The following PDE9A variants were observed in gnomAD, a reference collection of about 807,000 sequenced individuals.
The protein encoded by PDE9A is high affinity cGMP-specific 3',5'-cyclic phosphodiesterase 9A.
A neutral mutation model predicts 87.4 loss-of-function variants in PDE9A; 60 were observed. The ratio of observed to expected loss-of-function variants is 0.69; its 90% CI spans 0.56 to 0.85. The LOEUF is 0.85. Ranked by LOEUF, PDE9A falls within the 40% of genes least tolerant of loss-of-function variation. The pLI is 0.00. For missense variants in PDE9A, 665 were observed against 779.0 expected (o/e 0.85, Z 1.74); for synonymous variants, 272 against 279.4 (o/e 0.97, Z 0.27).
chr21:42,770,918 G>A (rs1046628454), intron 18 of PDE9A, 120 bp downstream of exon 18: 6 of 700,636 alleles, frequency 8.6e-6, no homozygotes, highest in African/African-American at 1.8e-5. Flanking sequence ...CCCGTGGACA[G>A]GCACACGTGT....
At chr21:42,773,055 G>A (rs1326087736) in intron 19 of PDE9A, among the ~76,000 whole-genome samples, 2 of 149,728 alleles carry the variant, frequency 1.3e-5, no homozygotes, top group African/African-American at 4.9e-5. Flanking sequence ...GAGGTCAGGA[G>A]TTCAAGACCC....
chr21:42,677,995 G>A (rs144175593), intron 1 of PDE9A, among the ~76,000 whole-genome samples: 1 of 152,352 alleles, frequency 6.6e-6, no homozygotes, highest in East Asian at 1.9e-4. Flanking sequence ...CACCACAAAT[G>A]TCTGTGCAAG....
intron 19 of PDE9A, among the ~76,000 whole-genome samples, chr21:42,774,772 C>T (rs1256933963): frequency 2.0e-5 from 3 of 149,422 alleles, no homozygotes; most frequent in African/African-American, 2.5e-5. Context: ...ATCCCAGCTA[C>T]TTGGGAGCCA....
intron 3 of PDE9A, among the ~76,000 whole-genome samples, chr21:42,691,523 C>A (rs754157888): frequency 6.6e-6 from 1 of 151,998 alleles, no homozygotes; most frequent in Non-Finnish European, 1.5e-5. Flanking sequence ...TCCAAAGCCA[C>A]CTAGCCCATC....
intron 9 of PDE9A, among the ~76,000 whole-genome samples, chr21:42,753,150 G>T (rs1301425672): frequency 6.6e-6 from 1 of 152,152 alleles, no homozygotes; most frequent in East Asian, 1.9e-4. Flanking sequence ...GGGATTACAG[G>T]CACCTGCCAT....
chr21:42,676,778 G>C (rs1038431996), intron 1 of PDE9A, among the ~76,000 whole-genome samples: 5 of 152,230 alleles, frequency 3.3e-5, no homozygotes, highest in Non-Finnish European at 7.3e-5. Flanking sequence ...GGCCAATGTG[G>C]CTGCTCTTAG....
intron 18 of PDE9A, among the ~76,000 whole-genome samples, chr21:42,771,059 TCA>T (rs2056985625): frequency 3.3e-5 from 5 of 152,216 alleles, no homozygotes; most frequent in Admixed American, 3.3e-4. Flanking sequence ...TTCACAAGAA[TCA>T]CAACTGTCAC....
In PDE9A at chr21:42,760,454, C is replaced by G. The variant is rs771085127; in HGVS notation, c.1002+22C>G. 7.2e-7 allele frequency: 1 copy of G among 1,386,904 alleles called. No homozygotes were observed. Among genetic ancestry groups the G allele is most frequent in the Non-Finnish European group, 1.0e-6 (1 of 982,714 alleles). 85.9% of individuals were successfully genotyped at this position (1,386,904 alleles called of 1,614,324 possible). ...CCAGGTGGGTCCTGCCCGCTGCACA[C>G]CCAGACCTCTACTCTCGGGGGTCAG... On this transcript the variant is annotated intron_variant, in intron 12 of 19. Transcript: ENST00000291539. The surrounding 1 kb of genome is among the most constrained non-coding windows in gnomAD (Gnocchi z 5.2).
intron 1 of PDE9A, among the ~76,000 whole-genome samples, chr21:42,678,271 T>G (rs1394496786): frequency 1.3e-5 from 2 of 152,208 alleles, no homozygotes; most frequent in African/African-American, 4.8e-5. Flanking sequence ...CAGCTCCTAA[T>G]TGCTCTGAAG....
At chr21:42,762,280 T>C (rs746793567) in intron 14 of PDE9A, 41 bp downstream of exon 14, 29 of 1,597,742 alleles carry the variant, frequency 1.8e-5, no homozygotes, top group Non-Finnish European at 2.4e-5. Context: ...TGGGGGCACA[T>C]TCAGGGACAG....
At chr21:42,744,727 A>G (rs988159913) in intron 8 of PDE9A, among the ~76,000 whole-genome samples, 12 of 152,250 alleles carry the variant, frequency 7.9e-5, no homozygotes, top group Non-Finnish European at 1.5e-4. Context: ...AGTTTTGTGT[A>G]CAGCAGGACT....
At chr21:42,688,105 A>G in intron 3 of PDE9A, 111 bp downstream of exon 3, 1 of 906,428 alleles carries the variant, frequency 1.1e-6, no homozygotes, top group Non-Finnish European at 1.8e-6. Flanking sequence ...GTGAATTGAC[A>G]GCAGAGATGG....
In PDE9A at chr21:42,775,410, C is replaced by G. The variant is rs529580980; in HGVS notation, c.*117C>G. On this transcript the variant is annotated 3_prime_UTR_variant, in exon 20 of 20. Coordinates refer to ENST00000291539, the MANE Select transcript of PDE9A (RefSeq NM_002606.3). ...CCACAAGACCATGTTTTCTAAGAAC[C>G]ATTTTGTTCACTGATACAAAAAAAA... is the stretch of plus-strand genomic sequence containing the variant. The G allele has an allele frequency of 1.5e-5, 11 of 738,744 alleles. No individual in the cohort carries two copies. The highest frequency in any genetic ancestry group is 9.2e-5 in the African/African-American group (5 of 54,166). The allele number at this position is 738,744 out of a possible 1,614,324, so 45.8% of individuals were successfully genotyped here.
At chr21:42,752,066 T>A (rs1332146237) in intron 9 of PDE9A, among the ~76,000 whole-genome samples, 2 of 152,040 alleles carry the variant, frequency 1.3e-5, no homozygotes, top group African/African-American at 2.4e-5. Context: ...TGTGCTCTCA[T>A]GCTAAGATTC....
At position 42,696,807 on chromosome 21, in the gene PDE9A, C is replaced by T. The variant is rs1378399415; in HGVS notation, c.219-2161C>T. ...GGCTGAGGTTCCTGGGACAGCTGGG[C>T]ACTGTGGACTTGCCCAGCTGAGCAC... On this transcript the variant is annotated intron_variant, in intron 3 of 19. Transcript: ENST00000291539. The surrounding 1 kb of genome is among the most constrained non-coding windows in gnomAD (Gnocchi z 5.1). 6.6e-6 allele frequency among the ~76,000 whole-genome samples: 1 copy of T among 152,188 alleles called. No homozygotes were observed. The highest frequency in any genetic ancestry group is 1.5e-5 in the Non-Finnish European group (1 of 68,030).
In PDE9A at chr21:42,760,983, T is replaced by A. The variant is rs140345464; in HGVS notation, c.1085+76T>A. ...TGGAGGGAACCTGTCAGCCCAACCC[T>A]CAGAGCAGTTCCCAGATGGAGCTGT... On this transcript the variant is annotated intron_variant, in intron 13 of 19. Coordinates refer to ENST00000291539, the MANE Select transcript of PDE9A (RefSeq NM_002606.3). The surrounding 1 kb of genome is among the most constrained non-coding windows in gnomAD (Gnocchi z 5.2). 1.3e-4 allele frequency: 117 copies of A among 921,100 alleles called. No individual in the cohort carries two copies. In the African/African-American group the frequency reaches 1.5e-3, roughly 11 times the overall value. 57.1% of individuals were successfully genotyped at this position (921,100 alleles called of 1,614,324 possible). A position where few individuals can be genotyped will look rare whatever the true frequency, so the allele number is the denominator to read the frequency against.
Position 42,732,103 on chromosome 21 carries a change from A to G in PDE9A, c.476A>G (p.Gln159Arg). ...GAATTAATCCAGAGCGTGCTGGCGCAGGTTGCAGAGCAGTTCTCAAGGTAC... is the reference window on the plus strand; with the variant it reads ...GAATTAATCCAGAGCGTGCTGGCGCGGGTTGCAGAGCAGTTCTCAAGGTAC... ...REELIQSVLA[Q>R]VAEQFSRAFK... Residue 159 changes from glutamine to arginine, a missense_variant, in exon 6 of 20, where the codon CAG becomes CGG. Transcript: ENST00000291539. The G allele has an allele frequency of 6.2e-7, 1 of 1,614,170 alleles. No homozygotes were observed. Among genetic ancestry groups the G allele is most frequent in the Non-Finnish European group, 8.5e-7 (1 of 1,179,974 alleles).
rs568816880 is a variant in PDE9A at position 42,720,116 on chromosome 21, C to T, written c.263-11654C>T. 7.2e-5 allele frequency among the ~76,000 whole-genome samples: 11 copies of T among 152,312 alleles called. No homozygotes were observed. In the South Asian group the frequency reaches 2.1e-3, roughly 29 times the overall value. ...CAGATAATGGACAAAGTCCCAGCAGCGTGTACAACCAGCTGGTGGCTCCCA... is the reference window on the plus strand; with the variant it reads ...CAGATAATGGACAAAGTCCCAGCAGTGTGTACAACCAGCTGGTGGCTCCCA... On this transcript the variant is annotated intron_variant, in intron 4 of 19. Coordinates refer to ENST00000291539, the MANE Select transcript of PDE9A (RefSeq NM_002606.3).
chr21:42,755,500 A>C (rs947287494), intron 10 of PDE9A, among the ~76,000 whole-genome samples: 1 of 152,204 alleles, frequency 6.6e-6, no homozygotes, highest in Non-Finnish European at 1.5e-5. Context: ...CTTGCTCCCC[A>C]GCTCTGAGAG....
Sources: allele counts gnomAD v4.1 joint callset (sites outside exome capture counted in the v4.1 genomes callset), GRCh38; gene constraint gnomAD v4.1.1; non-coding constraint Gnocchi (gnomAD v3.1); transcripts MANE v1.5; gene names NCBI Gene and HGNC (gene_info 2026-07-23, HGNC 2026-07-21).